DAAM1: variants seen among roughly 807,000 people sequenced by gnomAD.
DAAM1 encodes the protein disheveled-associated activator of morphogenesis 1.
A neutral mutation model predicts 130.0 loss-of-function variants in DAAM1; 52 were observed. That is an observed-to-expected ratio of 0.40 (90% CI 0.32 to 0.50). The LOEUF (loss-of-function observed/expected upper bound fraction) is 0.50. Ranked by LOEUF, DAAM1 falls within the 20% of genes least tolerant of loss-of-function variation. The pLI is 0.61. For synonymous variants in DAAM1, 452 were observed against 444.5 expected (o/e 1.02, Z -0.21); for missense variants, 1,134 against 1,303.8 (o/e 0.87, Z 2.01).
At chr14:59,195,923 A>C (rs568765087) in intron 1 of DAAM1, among the ~76,000 whole-genome samples, 1 of 151,356 alleles carries the variant, frequency 6.6e-6, no homozygotes, top group Non-Finnish European at 1.5e-5. Context: ...TGGGGACTAG[A>C]CTGTACATTG....
intron 1 of DAAM1, among the ~76,000 whole-genome samples, chr14:59,194,026 G>A (rs746299804): frequency 1.3e-4 from 19 of 151,954 alleles, no homozygotes; most frequent in Non-Finnish European, 2.4e-4. Context: ...TCTAGATGAG[G>A]AAACTGAGGC....
chr14:59,347,733 T>A, intron 17 of DAAM1, 110 bp downstream of exon 17: 1 of 1,049,804 alleles, frequency 9.5e-7, no homozygotes, highest in Non-Finnish European at 1.4e-6. Flanking sequence ...CATCTATGAA[T>A]TGAGGAGGCT....
intron 15 of DAAM1, among the ~76,000 whole-genome samples, chr14:59,335,515 C>T (rs1242507496): frequency 6.6e-6 from 1 of 152,150 alleles, no homozygotes; most frequent in African/African-American, 2.4e-5. Context: ...GGGAAATTTT[C>T]ATCCCTAGAT....
intron 3 of DAAM1, among the ~76,000 whole-genome samples, chr14:59,314,267 T>C (rs1434732600): frequency 6.6e-6 from 1 of 152,224 alleles, no homozygotes; most frequent in Non-Finnish European, 1.5e-5. Flanking sequence ...GTACATGGCA[T>C]AACATCTTCT....
chr14:59,366,776 C>T (rs1210988637), intron 23 of DAAM1, among the ~76,000 whole-genome samples: 1 of 152,062 alleles, frequency 6.6e-6, no homozygotes, highest in African/African-American at 2.4e-5. Context: ...CAGCCGGGTG[C>T]AGCGGCACAT....
At position 59,215,392 on chromosome 14, in the gene DAAM1, C is replaced by T. The variant is rs1338813552; in HGVS notation, c.-38+26624C>T. On this transcript the variant is annotated intron_variant, in intron 1 of 24. Transcript: ENST00000360909. Reference sequence around the variant, plus strand: ...AAATGATTCTCTTGGTGCTTCTGCACTGTTCTTCACCAGAGTGTAACATAA... The same window carrying T: ...AAATGATTCTCTTGGTGCTTCTGCATTGTTCTTCACCAGAGTGTAACATAA... 2.6e-5 allele frequency among the ~76,000 whole-genome samples: 4 copies of T among 152,234 alleles called. No homozygotes were observed. In the East Asian group the frequency reaches 5.8e-4, roughly 22 times the overall value.
chr14:59,350,719 C>T (rs1475931354), intron 17 of DAAM1, among the ~76,000 whole-genome samples: 1 of 152,180 alleles, frequency 6.6e-6, no homozygotes, highest in Admixed American at 6.5e-5. Flanking sequence ...GCACCCATGG[C>T]TGCATGCTGA....
chr14:59,219,595 T>C (rs1251717244), intron 1 of DAAM1, among the ~76,000 whole-genome samples: 3 of 152,242 alleles, frequency 2.0e-5, no homozygotes, highest in Admixed American at 2.0e-4. Context: ...TAGACTATTA[T>C]ACGGTACTCT....
chr14:59,195,372 T>C (rs1227279100), intron 1 of DAAM1, among the ~76,000 whole-genome samples: 1 of 152,168 alleles, frequency 6.6e-6, no homozygotes, highest in East Asian at 1.9e-4. Flanking sequence ...CTCAATCTCC[T>C]GATCTCGTGA....
chr14:59,203,394 T>A (rs1888172286), intron 1 of DAAM1, among the ~76,000 whole-genome samples: 1 of 152,146 alleles, frequency 6.6e-6, no homozygotes, highest in Admixed American at 6.6e-5. Flanking sequence ...TGCATATGGA[T>A]GAATTTTATG....
In DAAM1 at chr14:59,368,793, C is replaced by G; in HGVS notation, c.3141C>G (p.Arg1047=). 6.2e-7 allele frequency: 1 copy of G among 1,613,964 alleles called. No homozygotes were observed. The highest frequency in any genetic ancestry group is 8.5e-7 in the Non-Finnish European group (1 of 1,179,930). The change falls in exon 25 of 25, where the codon CGC becomes CGG. Residue 1047 remains arginine, a synonymous_variant. Transcript: ENST00000360909. The part of the protein sequence containing the change: ...DKDLSKLKRN[R]KRITNQMTDS... Reference sequence around the variant, plus strand: ...ACCTTTCTAAATTGAAACGGAATCGCAAACGTATTACCAACCAGATGACTG... The same window carrying G: ...ACCTTTCTAAATTGAAACGGAATCGGAAACGTATTACCAACCAGATGACTG...
At chr14:59,270,762 T>G (rs1228799057) in intron 2 of DAAM1, among the ~76,000 whole-genome samples, 1 of 152,168 alleles carries the variant, frequency 6.6e-6, no homozygotes, top group East Asian at 1.9e-4. Context: ...TCCTACAGAA[T>G]ATTTCACAGC....
intron 1 of DAAM1, among the ~76,000 whole-genome samples, chr14:59,193,574 A>C (rs977940747): frequency 2.6e-5 from 4 of 152,228 alleles, no homozygotes; most frequent in Admixed American, 1.3e-4. Flanking sequence ...CATGTGTCTA[A>C]AAATGAACTG....
intron 1 of DAAM1, among the ~76,000 whole-genome samples, chr14:59,247,819 C>T (rs542969413): frequency 5.9e-5 from 9 of 151,898 alleles, no homozygotes; most frequent in African/African-American, 1.7e-4. Context: ...ATCACATGCT[C>T]AATAATTTCT....
At chr14:59,347,473 A>G in intron 16 of DAAM1, 66 bp from the exon 17 acceptor site, 1 of 1,461,204 alleles carries the variant, frequency 6.8e-7, no homozygotes, top group Non-Finnish European at 9.4e-7. Flanking sequence ...TGGGGTAGCA[A>G]AGTGAATTAT....
rs571558355 is a variant in DAAM1, at chr14:59,338,217, A to G, written c.1969-1857A>G. ...TTGTGCTCTTCATGGTATTCAGCCA[A>G]ATTTTCTCATCTTCATCAACTCTCA... On this transcript the variant is annotated intron_variant, in intron 15 of 24. Transcript: ENST00000360909. 3.9e-5 allele frequency among the ~76,000 whole-genome samples: 6 copies of G among 152,098 alleles called. No homozygotes were observed. The South Asian group carries it at 1.0e-3, about 26-fold the overall frequency.
At chr14:59,218,788 C>T (rs888712962) in intron 1 of DAAM1, among the ~76,000 whole-genome samples, 1 of 152,106 alleles carries the variant, frequency 6.6e-6, no homozygotes, top group African/African-American at 2.4e-5. Flanking sequence ...TTTTAAGTCT[C>T]GGCATTTGTT....
rs562914746 is a variant in DAAM1 at position 59,204,700 on chromosome 14, CT to C, written c.-38+15934del. The stretch of plus-strand genomic sequence containing the variant: ...TAACGTACATTTATGCCATTATACT[CT>C]TGATGATTATTAAAATGAAAACACA... On this transcript the variant is annotated intron_variant, in intron 1 of 24. Transcript: ENST00000360909. 1.2e-3 allele frequency among the ~76,000 whole-genome samples: 183 copies of C among 152,268 alleles called. 1 individual carries two copies. The highest frequency in any genetic ancestry group is 6.0e-3 in the South Asian group (29 of 4,820).
intron 1 of DAAM1, among the ~76,000 whole-genome samples, chr14:59,211,126 G>C (rs1222087751): frequency 6.6e-6 from 1 of 152,082 alleles, no homozygotes; most frequent in African/African-American, 2.4e-5. Context: ...AAGCACTTTA[G>C]GTTTGCTTTA....
Sources: gnomAD v4.1 joint callset for allele counts (sites outside exome capture counted in the v4.1 genomes callset) on GRCh38, gnomAD v4.1.1 for gene constraint, MANE v1.5 for transcripts, NCBI Gene and HGNC (gene_info 2026-07-23, HGNC 2026-07-21) for gene names.